Variants in C5AR1 observed in about 807,000 individuals in gnomAD.
The protein encoded by C5AR1 is C5a anaphylatoxin chemotactic receptor 1.
A neutral mutation model predicts 2.4 loss-of-function variants in C5AR1; 4 were observed. The observed-to-expected ratio is 1.65, with a 90% CI of 0.81 to 3.77. The LOEUF (loss-of-function observed/expected upper bound fraction) is 3.77. Ranked by LOEUF, C5AR1 falls within the 30% of genes most tolerant of loss-of-function variation. The pLI is 0.01. For missense variants in C5AR1, 418 were observed against 462.5 expected (o/e 0.90, Z 0.88); for synonymous variants, 209 against 210.4 (o/e 0.99, Z 0.06).
intron 1 of C5AR1, among the ~76,000 whole-genome samples, chr19:47,312,055 C>T (rs747336713): frequency 7.2e-5 from 11 of 152,136 alleles, no homozygotes; most frequent in Non-Finnish European, 5.9e-5. Flanking sequence ...GAAATAGTTG[C>T]GGAGATCTGT....
At chr19:47,309,572 CAAAAAA>C (rs35475766), upstream of C5AR1, among the ~76,000 whole-genome samples, 18 of 96,908 alleles carry the variant, frequency 1.9e-4, no homozygotes, top group Admixed American at 1.6e-3. Context: ...AAGACTCTAT[CAAAAAA>C]AAAAAAAAAA....
intron 1 of C5AR1, among the ~76,000 whole-genome samples, chr19:47,314,124 C>T (rs1173289705): frequency 6.6e-6 from 1 of 152,172 alleles, no homozygotes; most frequent in Non-Finnish European, 1.5e-5. Context: ...AGCTTCTGCT[C>T]TCTGCCCCTT....
chr19:47,308,185 C>T (rs1302442746), upstream of C5AR1, among the ~76,000 whole-genome samples: 4 of 143,386 alleles, frequency 2.8e-5, no homozygotes, highest in Non-Finnish European at 6.0e-5. Context: ...TGCACTCTAG[C>T]CTGGGTGAGA....
upstream of C5AR1, among the ~76,000 whole-genome samples, chr19:47,309,712 T>C: frequency 6.6e-6 from 1 of 152,086 alleles, no homozygotes; most frequent in East Asian, 1.9e-4. Flanking sequence ...AGGAGGTGGT[T>C]AGAGTCCCCT....
In C5AR1 at chr19:47,314,335, G is replaced by A. The variant is rs191226978; in HGVS notation, c.3+4437G>A. 2.6e-5 allele frequency among the ~76,000 whole-genome samples: 4 copies of A among 152,304 alleles called. No individual in the cohort carries two copies. In the East Asian group the frequency reaches 7.7e-4, roughly 29 times the overall value. On this transcript the variant is annotated intron_variant, in intron 1 of 1. Transcript: ENST00000355085. ...GCCCTGGACCTGCACTGCCCAATAT[G>A]TGGGCCACGTGCCACAATGCAGCTA...
At chr19:47,316,171 A>C (rs2122135700) in intron 1 of C5AR1, among the ~76,000 whole-genome samples, 1 of 151,980 alleles carries the variant, frequency 6.6e-6, no homozygotes, top group East Asian at 1.9e-4. Context: ...GGGCCCAGCT[A>C]ATTTTTTTGT....
At chr19:47,319,556 G>A (rs1242276701) in intron 1 of C5AR1, among the ~76,000 whole-genome samples, 1 of 151,228 alleles carries the variant, frequency 6.6e-6, no homozygotes, top group African/African-American at 2.4e-5. Context: ...CAGTCCGCCC[G>A]CCTCGGCCTC....
intron 1 of C5AR1, among the ~76,000 whole-genome samples, chr19:47,310,121 T>C (rs2059265363): frequency 6.6e-6 from 1 of 152,074 alleles, no homozygotes; most frequent in Non-Finnish European, 1.5e-5. Flanking sequence ...ATTGTCAAGA[T>C]TGTGGGAGCA....
chr19:47,317,192 CAA>C (rs1238972530), intron 1 of C5AR1, among the ~76,000 whole-genome samples: 32 of 74,088 alleles, frequency 4.3e-4, no homozygotes, highest in African/African-American at 5.5e-4. Flanking sequence ...GACCCCGTCT[CAA>C]AAAAAAAAAA....
At chr19:47,312,163 G>C (rs992524810) in intron 1 of C5AR1, among the ~76,000 whole-genome samples, 1 of 152,102 alleles carries the variant, frequency 6.6e-6, no homozygotes, top group African/African-American at 2.4e-5. Context: ...TCAGCTCACT[G>C]TAACCTCCAC....
upstream of C5AR1, chr19:47,307,536 T>C (rs1396858952): frequency 6.6e-6 from 1 of 151,984 alleles, no homozygotes; most frequent in Admixed American, 6.6e-5. Flanking sequence ...TTAGTAGAGA[T>C]GGGGTTTTGC....
Position 47,320,158 on chromosome 19 carries a change from G to A in C5AR1, c.381G>A (p.Leu127=). The A allele has an allele frequency of 1.2e-6, 2 of 1,614,186 alleles. No individual in the cohort carries two copies. The highest frequency in any genetic ancestry group is 1.7e-6 in the Non-Finnish European group (2 of 1,180,036). ...LLNMYASILL[L]ATISADRFLL... ...ACATGTACGCCAGCATCCTGCTCCT[G>A]GCCACCATCAGCGCCGACCGCTTTC... Residue 127 remains leucine, a synonymous_variant, in exon 2 of 2, where the codon CTG becomes CTA. Coordinates refer to ENST00000355085, the MANE Select transcript of C5AR1 (RefSeq NM_001736.4). The surrounding 1 kb of genome is among the most constrained non-coding windows in gnomAD (Gnocchi z 4.9).
intron 1 of C5AR1, among the ~76,000 whole-genome samples, chr19:47,315,936 TATCCATCC>T (rs567194903): frequency 2.6e-5 from 4 of 152,046 alleles, no homozygotes; most frequent in African/African-American, 4.8e-5. Flanking sequence ...GTCTCTCCAT[TATCCATCC>T]ATCCATCCAT....
rs754477439 is a variant in C5AR1 at position 47,320,731 on chromosome 19, C to T, written c.954C>T (p.Leu318=). The T allele has an allele frequency of 1.2e-6, 2 of 1,614,166 alleles. No homozygotes were observed. The highest frequency in any genetic ancestry group is 8.5e-7 in the Non-Finnish European group (1 of 1,180,030). The change falls in exon 2 of 2, where the codon CTC becomes CTT. Residue 318 remains leucine, a synonymous_variant. Coordinates refer to ENST00000355085, the MANE Select transcript of C5AR1 (RefSeq NM_001736.4). This position sits in a 1 kb window ranked among gnomAD's most constrained non-coding sequence, Gnocchi z 4.9. The part of the protein sequence containing the change: ...QGRLRKSLPS[L]LRNVLTEESV... ...GACTGCGGAAATCCCTCCCCAGCCT[C>T]CTCCGGAACGTGTTGACTGAAGAGT...
upstream of C5AR1, among the ~76,000 whole-genome samples, chr19:47,308,351 C>G (rs2059260148): frequency 6.6e-6 from 1 of 151,834 alleles, no homozygotes; most frequent in Admixed American, 6.6e-5. Flanking sequence ...ATAGGACCAT[C>G]TCGTTACAGG....
chr19:47,307,878 C>G (rs924570927), upstream of C5AR1: 2 of 151,948 alleles, frequency 1.3e-5, no homozygotes, highest in African/African-American at 4.8e-5. Context: ...CTCATATTAC[C>G]GCCTGATCTG....
chr19:47,317,519 A>AAAAAAT (rs1555807017), intron 1 of C5AR1, among the ~76,000 whole-genome samples: 15 of 133,338 alleles, frequency 1.1e-4, no homozygotes, highest in Admixed American at 1.6e-4. Context: ...AAAAAAAAAA[A>AAAAAAT]ATATATATAT....
rs1443661459 is a variant in C5AR1, at chr19:47,321,677, A to G, written c.*847A>G. The G allele has an allele frequency of 5.9e-5, 9 of 152,166 alleles. No homozygotes were observed. Among genetic ancestry groups the G allele is most frequent in the Non-Finnish European group, 2.9e-5 (2 of 68,032 alleles). The allele number at this position is 152,166 out of a possible 1,614,324, so 9.4% of individuals were successfully genotyped here. On this transcript the variant is annotated 3_prime_UTR_variant, in exon 2 of 2. Coordinates refer to ENST00000355085, the MANE Select transcript of C5AR1 (RefSeq NM_001736.4). ...CAGTTTTGTTTGTACTTTGTTTTTA[A>G]ATTATGCTTTCTATTTTGAGATCAT...
upstream of C5AR1, among the ~76,000 whole-genome samples, chr19:47,308,483 G>T (rs1021725835): frequency 2.6e-5 from 4 of 151,888 alleles, no homozygotes; most frequent in African/African-American, 7.2e-5. Flanking sequence ...TGGGGGACAG[G>T]GTAGCTCCAT....
Sources: gnomAD v4.1 joint callset for allele counts (sites outside exome capture counted in the v4.1 genomes callset) on GRCh38, gnomAD v4.1.1 for gene constraint, Gnocchi (gnomAD v3.1) non-coding constraint, MANE v1.5 for transcripts, NCBI Gene and HGNC (gene_info 2026-07-23, HGNC 2026-07-21) for gene names.